RAPGEF4: variants seen among roughly 807,000 people sequenced by gnomAD.
RAPGEF4 encodes the protein Rap guanine nucleotide exchange factor 4.
RAPGEF4 carries 66 observed loss-of-function variants against 147.9 expected under a neutral mutation model. That is an observed-to-expected ratio of 0.45 (90% CI 0.37 to 0.55). The LOEUF is 0.55. RAPGEF4 is among the 20% of genes least tolerant of loss of function. RAPGEF4 has a pLI of 0.00. For synonymous variants in RAPGEF4, 419 were observed against 442.7 expected (o/e 0.95, Z 0.67); for missense variants, 1,071 against 1,257.3 (o/e 0.85, Z 2.24).
At chr2:172,912,824 A>T (rs773318196) in intron 4 of RAPGEF4, among the ~76,000 whole-genome samples, 36 of 151,400 alleles carry the variant, frequency 2.4e-4, no homozygotes, top group Admixed American at 7.9e-4. Context: ...AGTTTTGCTC[A>T]ACTTTCCACC....
chr2:172,978,784 T>A (rs1446982), intron 10 of RAPGEF4, among the ~76,000 whole-genome samples: 83,538 of 152,180 alleles, frequency 0.55, 24,041 homozygotes, highest in East Asian at 0.9. Context: ...TATCCAGGAA[T>A]TCCTAAAACT....
rs2106048163 is a variant in RAPGEF4, at chr2:173,042,218, T to C, written c.2853+5526T>C. Among the ~76,000 whole-genome samples, 1 of 152,382 alleles carries C rather than the reference T, an allele frequency of 6.6e-6. No homozygotes were observed. Among genetic ancestry groups the C allele is most frequent in the African/African-American group, 2.4e-5 (1 of 41,590 alleles). ...ACCCATAAAAATGTCTGGCACATCG[T>C]AAGTATGCAAGAAGTACTTGTTGAA... On this transcript the variant is annotated intron_variant, in intron 29 of 30. Coordinates refer to ENST00000397081, the MANE Select transcript of RAPGEF4 (RefSeq NM_007023.4). The surrounding 1 kb of genome is among the most constrained non-coding windows in gnomAD (Gnocchi z 4.2).
At chr2:172,887,521 G>A (rs1197984150) in intron 4 of RAPGEF4, among the ~76,000 whole-genome samples, 1 of 152,182 alleles carries the variant, frequency 6.6e-6, no homozygotes, top group African/African-American at 2.4e-5. Flanking sequence ...GCCTGGGTTT[G>A]TAAATAAACT....
At position 172,817,382 on chromosome 2, in the gene RAPGEF4, C is replaced by T. The variant is rs16860916; in HGVS notation, c.444+2957C>T. On this transcript the variant is annotated intron_variant, in intron 4 of 30. Coordinates refer to ENST00000397081, the MANE Select transcript of RAPGEF4 (RefSeq NM_007023.4). ...CTTGCAAAATATTTGATAACCAGAA[C>T]GCCTATTCCTTGATATGTCAGATAA... Among the ~76,000 whole-genome samples the T allele has an allele frequency of 4.6e-3, 696 of 152,234 alleles. 6 individuals are homozygous for T. The highest frequency in any genetic ancestry group is 0.016 in the African/African-American group (661 of 41,548).
At chr2:172,765,538 A>T (rs1442064044) in intron 1 of RAPGEF4, among the ~76,000 whole-genome samples, 4 of 152,198 alleles carry the variant, frequency 2.6e-5, no homozygotes, top group Non-Finnish European at 5.9e-5. Context: ...TCTCTCACAC[A>T]CAGAGGATCC....
chr2:172,991,349 C>T (rs946625485), intron 15 of RAPGEF4, among the ~76,000 whole-genome samples: 3 of 152,156 alleles, frequency 2.0e-5, no homozygotes, highest in South Asian at 2.1e-4. Flanking sequence ...TCAGAATGAG[C>T]GTCTTTGATG....
chr2:173,001,993 CAAAAA>C (rs11397728), intron 17 of RAPGEF4, among the ~76,000 whole-genome samples: 999 of 79,320 alleles, frequency 0.013, 30 homozygotes, highest in African/African-American at 0.04. Context: ...GTGATGCTGG[CAAAAA>C]AAAAAAAAAA....
chr2:172,967,498 A>G, intron 10 of RAPGEF4, 54 bp downstream of exon 10: 1 of 1,540,240 alleles, frequency 6.5e-7, no homozygotes, highest in African/African-American at 1.4e-5. Context: ...CCTAGTGCAT[A>G]GACATACCAT....
intron 1 of RAPGEF4, among the ~76,000 whole-genome samples, chr2:172,748,773 A>G (rs907888307): frequency 6.6e-6 from 1 of 152,212 alleles, no homozygotes; most frequent in Non-Finnish European, 1.5e-5. Context: ...CATCTGAGAC[A>G]AGGCAAGTCC....
intron 10 of RAPGEF4, among the ~76,000 whole-genome samples, chr2:172,970,548 GAGA>G (rs1417256187): frequency 6.6e-5 from 10 of 152,228 alleles, no homozygotes; most frequent in African/African-American, 1.9e-4. Context: ...ATTCTTTGAT[GAGA>G]AGATTACTTT....
intron 6 of RAPGEF4, among the ~76,000 whole-genome samples, chr2:172,931,172 T>TCGG (rs112366465): frequency 9.4e-4 from 6 of 6,374 alleles, no homozygotes; most frequent in African/African-American, 1.9e-3. Flanking sequence ...CAGGCCGGGG[T>TCGG]GGGGGGGGGG....
intron 27 of RAPGEF4, among the ~76,000 whole-genome samples, chr2:173,034,819 G>A (rs1683720219): frequency 6.6e-6 from 1 of 151,702 alleles, no homozygotes; most frequent in African/African-American, 2.4e-5. Context: ...GCTACAGTGA[G>A]TAGTGACTGG....
chr2:172,903,141 G>T (rs1325048033), intron 4 of RAPGEF4, among the ~76,000 whole-genome samples: 1 of 152,008 alleles, frequency 6.6e-6, no homozygotes, highest in Non-Finnish European at 1.5e-5. Flanking sequence ...GGCCAAGATG[G>T]GTGGATCACC....
intron 29 of RAPGEF4, among the ~76,000 whole-genome samples, chr2:173,043,850 T>A (rs959647621): frequency 2.0e-5 from 3 of 152,232 alleles, no homozygotes; most frequent in Non-Finnish European, 2.9e-5. Context: ...TCAGAGCCTC[T>A]GGCTTGTGCC....
intron 25 of RAPGEF4, among the ~76,000 whole-genome samples, chr2:173,029,844 A>T (rs1159800377): frequency 1.3e-5 from 2 of 152,162 alleles, no homozygotes; most frequent in Non-Finnish European, 2.9e-5. Context: ...ACCCCATGAG[A>T]TATTTCCCTC....
intron 4 of RAPGEF4, among the ~76,000 whole-genome samples, chr2:172,855,819 C>T (rs1240727090): frequency 6.6e-6 from 1 of 152,130 alleles, no homozygotes; most frequent in Non-Finnish European, 1.5e-5. Context: ...AAAGTTACTA[C>T]TAATATAGTT....
chr2:172,959,909 T>TGTAGAGTG (rs1297877051), intron 6 of RAPGEF4, among the ~76,000 whole-genome samples: 5 of 151,788 alleles, frequency 3.3e-5, no homozygotes, highest in Non-Finnish European at 7.4e-5. Flanking sequence ...GGGCAACATA[T>TGTAGAGTG]CGAGACCTCA....
chr2:172,911,064 A>G (rs116626861), intron 4 of RAPGEF4, among the ~76,000 whole-genome samples: 2,510 of 152,276 alleles, frequency 0.016, 74 homozygotes, highest in African/African-American at 0.057. Flanking sequence ...AACCCCTCCC[A>G]CATCCGAAAT....
chr2:172,848,997 A>G (rs1419559919), intron 4 of RAPGEF4, among the ~76,000 whole-genome samples: 1 of 152,180 alleles, frequency 6.6e-6, no homozygotes, highest in African/African-American at 2.4e-5. Context: ...TTAATAAATA[A>G]CCATCTATAG....
Sources: allele counts gnomAD v4.1 joint callset (sites outside exome capture counted in the v4.1 genomes callset), GRCh38; gene constraint gnomAD v4.1.1; non-coding constraint Gnocchi (gnomAD v3.1); transcripts MANE v1.5; gene names NCBI Gene and HGNC (gene_info 2026-07-23, HGNC 2026-07-21).